Variants in KLHDC4 observed in about 807,000 individuals in gnomAD.
KLHDC4 encodes the protein kelch domain-containing protein 4.
KLHDC4 carries 90 observed loss-of-function variants against 62.4 expected under a neutral mutation model. That is an observed-to-expected ratio of 1.44 (90% CI 1.22 to 1.72). The LOEUF (loss-of-function observed/expected upper bound fraction) is 1.72, where lower values mean the gene tolerates loss of function less well. KLHDC4 is among the 40% of genes most tolerant of loss of function. The probability of loss-of-function intolerance (pLI) is 0.00; values close to 1 mark genes in which losing one functional copy is unlikely to be tolerated. For synonymous variants in KLHDC4, 386 were observed against 284.4 expected (o/e 1.36, Z -3.59); for missense variants, 1,025 against 699.7 (o/e 1.47, Z -5.25).
chr16:87,708,199 C>T (rs537127273), intron 11 of KLHDC4, 124 bp from the exon 12 acceptor site: 17 of 620,408 alleles, frequency 2.7e-5, no homozygotes, highest in African/African-American at 9.2e-5. Flanking sequence ...CACAGGCACA[C>T]GGCACTCATT....
At chr16:87,755,772 C>A in intron 3 of KLHDC4, 1 of 167,876 alleles carries the variant, frequency 6.0e-6, no homozygotes, top group Non-Finnish European at 1.3e-5. Flanking sequence ...ACCACATTGG[C>A]CAGACTGCTC....
At chr16:87,749,076 T>C (rs3751729) in intron 4 of KLHDC4, among the ~76,000 whole-genome samples, 31,979 of 150,682 alleles carry the variant, frequency 0.21, 3,607 homozygotes, top group South Asian at 0.31. Flanking sequence ...ATGTAGACAA[T>C]GCCATATCCC....
chr16:87,729,910 G>C (rs536894902), intron 6 of KLHDC4, among the ~76,000 whole-genome samples: 1 of 152,116 alleles, frequency 6.6e-6, no homozygotes, highest in South Asian at 2.1e-4. Context: ...AGCCCTCTAG[G>C]GTATTCTGAA....
At position 87,709,505 on chromosome 16, in the gene KLHDC4, T is replaced by G; in HGVS notation, c.1207A>C (p.Thr403Pro). 1 of 1,612,156 alleles carries G rather than the reference T, an allele frequency of 6.2e-7. No homozygotes were observed. Among genetic ancestry groups the G allele is most frequent in the Non-Finnish European group, 8.5e-7 (1 of 1,179,920 alleles). ...GGCTGCCCCGCCGAGCCTGGCGCGG[T>G]GAGCACCTGCTTAATGGTGACCACG... ...GTVVTIKQVL[T>P]APGSAGQPRS... Residue 403 changes from threonine to proline, a missense_variant, in exon 10 of 12, where the codon ACC becomes CCC. Transcript: ENST00000270583.
rs1253850474 is a variant in KLHDC4, at chr16:87,726,918, G to A, written c.606C>T (p.Tyr202=). 2 of 1,613,766 alleles carry A rather than the reference G, an allele frequency of 1.2e-6. No individual in the cohort carries two copies. Among genetic ancestry groups the A allele is most frequent in the Non-Finnish European group, 8.5e-7 (1 of 1,179,882 alleles). Residue 202 remains tyrosine (Y), a synonymous_variant, in exon 7 of 12, where the codon TAC becomes TAT. Coordinates refer to ENST00000270583, the MANE Select transcript of KLHDC4 (RefSeq NM_017566.4). ...AGGCATACACGTCGTTGTAGTAGAT[G>A]TAATCCCTGGTTAGAAGAACAGCAG... ...FGGFHESTRD[Y]IYYNDVYAFN...
At chr16:87,765,118 T>C (rs2046443411) in intron 1 of KLHDC4, 1 of 455,922 alleles carries the variant, frequency 2.2e-6, no homozygotes, top group South Asian at 1.5e-5. Context: ...CGGCAGGCCA[T>C]AAAACTGGCC....
At chr16:87,748,950 C>G in intron 4 of KLHDC4, 141 bp from the exon 5 acceptor site, 1 of 924,670 alleles carries the variant, frequency 1.1e-6, no homozygotes, top group Non-Finnish European at 1.5e-6. Flanking sequence ...CCACTTTCCT[C>G]TCCTGCCTCT....
In KLHDC4 at chr16:87,708,381, G is replaced by A. The variant is rs1355727004; in HGVS notation, c.1533C>T (p.Asp511=). The A allele has an allele frequency of 1.9e-6, 3 of 1,610,444 alleles. No homozygotes were observed. Among genetic ancestry groups the A allele is most frequent in the East Asian group, 2.2e-5 (1 of 44,844 alleles). ...EGAEGGVDDE[D]SGEESGAED ...CCTCCGCACCGCTCTCCTCTCCGCT[G>A]TCTTCGTCGTCGACCCCACCCTCGG... is the stretch of plus-strand genomic sequence containing the variant. Residue 511 remains aspartate, a synonymous_variant, in exon 11 of 12, where the codon GAC becomes GAT. Transcript: ENST00000270583.
intron 7 of KLHDC4, among the ~76,000 whole-genome samples, chr16:87,721,393 G>A (rs768439375): frequency 3.4e-4 from 48 of 141,866 alleles, no homozygotes; most frequent in Non-Finnish European, 5.6e-4. Flanking sequence ...CAGCCTGGGG[G>A]ATAGAGCGAG....
intron 6 of KLHDC4, among the ~76,000 whole-genome samples, 165 bp from the exon 7 acceptor site, chr16:87,727,089 C>T (rs544691944): frequency 2.6e-5 from 4 of 152,324 alleles, no homozygotes; most frequent in African/African-American, 4.8e-5. Context: ...AACACAGAAA[C>T]GTGGCCGCTT....
chr16:87,708,607 C>A lies in KLHDC4; in HGVS notation c.1448-141G>T, dbSNP rs571714586. ...GTGAAACCTAACTCCTCTTCCCCGA[C>A]CCCCTTCAGATCCACAAAGGAAACA... is the stretch of plus-strand genomic sequence containing the variant. On this transcript the variant is annotated intron_variant, in intron 10 of 11. Transcript: ENST00000270583. 3 of 479,006 alleles carry A rather than the reference C, an allele frequency of 6.3e-6. No homozygotes were observed. The East Asian group carries it at 9.9e-5, about 16-fold the overall frequency. 29.7% of individuals were successfully genotyped at this position (479,006 alleles called of 1,614,324 possible). A position where few individuals can be genotyped will look rare whatever the true frequency, so the allele number is the denominator to read the frequency against.
At chr16:87,704,099 C>T (rs551851865), downstream of KLHDC4, among the ~76,000 whole-genome samples, 13 of 152,338 alleles carry the variant, frequency 8.5e-5, no homozygotes, top group African/African-American at 2.9e-4. Context: ...ATCCCCCGCT[C>T]CTTCTGGAGG....
chr16:87,713,649 C>T (rs910701325), intron 8 of KLHDC4, among the ~76,000 whole-genome samples: 7 of 152,096 alleles, frequency 4.6e-5, no homozygotes, highest in Admixed American at 2.0e-4. Context: ...CAGGAAACGC[C>T]GCCAACAGTT....
chr16:87,748,071 T>C (rs1451486293), intron 5 of KLHDC4, among the ~76,000 whole-genome samples: 5 of 152,176 alleles, frequency 3.3e-5, no homozygotes, highest in Admixed American at 6.5e-5. Context: ...ATAATTTATA[T>C]GCAAACATGC....
At chr16:87,745,705 C>A (rs940094764) in intron 5 of KLHDC4, among the ~76,000 whole-genome samples, 2 of 152,144 alleles carry the variant, frequency 1.3e-5, no homozygotes, top group African/African-American at 4.8e-5. Flanking sequence ...TGGGAGAGGG[C>A]AGGCTGAGGC....
intron 7 of KLHDC4, among the ~76,000 whole-genome samples, chr16:87,719,121 C>G (rs1030228098): frequency 6.7e-6 from 1 of 148,830 alleles, no homozygotes; most frequent in Non-Finnish European, 1.5e-5. Context: ...CCGGCTGCCC[C>G]GTCTGGGAAG....
At chr16:87,742,849 C>G (rs979557358) in intron 5 of KLHDC4, 4 of 152,220 alleles carry the variant, frequency 2.6e-5, no homozygotes, top group African/African-American at 7.2e-5. Context: ...CCCCTCCAGA[C>G]GAGTTGCCCT....
In KLHDC4 at chr16:87,730,537, G is replaced by A. The variant is rs746780041; in HGVS notation, c.599+15C>T. 72 of 1,592,506 alleles carry A rather than the reference G, an allele frequency of 4.5e-5. 1 individual carries two copies. The highest frequency in any genetic ancestry group is 1.7e-4 in the South Asian group (15 of 87,322). ...TGCTTCAGGAGAGAAAGATTTTTCC[G>A]TTCTTGGTACCAACCGTGTACTTTC... On this transcript the variant is annotated intron_variant, in intron 6 of 11. Transcript: ENST00000270583.
chr16:87,737,779 T>C (rs62055587), intron 5 of KLHDC4, among the ~76,000 whole-genome samples: 1 of 151,810 alleles, frequency 6.6e-6, no homozygotes, highest in Non-Finnish European at 1.5e-5. Flanking sequence ...TCTGTAGAGA[T>C]GGCGTTTCAC....
Sources: gnomAD v4.1 joint callset for allele counts (sites outside exome capture counted in the v4.1 genomes callset) on GRCh38, gnomAD v4.1.1 for gene constraint, MANE v1.5 for transcripts, NCBI Gene and HGNC (gene_info 2026-07-23, HGNC 2026-07-21) for gene names.